Variants in CYTH3 observed in about 807,000 individuals in gnomAD.
CYTH3 encodes the protein cytohesin 3.
In CYTH3, 23 loss-of-function variants were observed where a neutral mutation model predicts 55.1. The observed-to-expected ratio is 0.42, with a 90% confidence interval of 0.30 to 0.59. The LOEUF (loss-of-function observed/expected upper bound fraction) is 0.59. Among genes scored for constraint, CYTH3 ranks in the 20% least tolerant of loss-of-function variants. CYTH3 has a pLI of 0.20. For missense variants in CYTH3, 413 were observed against 524.8 expected (o/e 0.79, Z 2.08); for synonymous variants, 249 against 194.9 (o/e 1.28, Z -2.31).
intron 1 of CYTH3, among the ~76,000 whole-genome samples, chr7:6,201,561 A>T (rs1784059151): frequency 6.6e-6 from 1 of 152,184 alleles, no homozygotes. Context: ...CAATCAAGAG[A>T]AGGGATCCAG....
At chr7:6,236,891 G>C (rs1355476503) in intron 1 of CYTH3, among the ~76,000 whole-genome samples, 8 of 152,176 alleles carry the variant, frequency 5.3e-5, no homozygotes, top group African/African-American at 1.7e-4. Flanking sequence ...CAGTGTACCT[G>C]TTACATATGA....
chr7:6,237,098 G>A lies in CYTH3; in HGVS notation c.34+35376C>T, dbSNP rs532861351. ...GCAGCTCAAAGAATTCCTGATCAAA[G>A]GAGACAGCACTTAGAACCAGAGCAG... On this transcript the variant is annotated intron_variant, in intron 1 of 12. Coordinates refer to ENST00000350796, the MANE Select transcript of CYTH3 (RefSeq NM_004227.4). 1.7e-3 allele frequency among the ~76,000 whole-genome samples: 261 copies of A among 152,278 alleles called. 2 individuals are homozygous for A. The highest frequency in any genetic ancestry group is 1.6e-3 in the Non-Finnish European group (112 of 68,030).
chr7:6,254,271 A>T (rs1333854858), intron 1 of CYTH3, among the ~76,000 whole-genome samples: 5 of 149,482 alleles, frequency 3.3e-5, no homozygotes, highest in East Asian at 1.9e-4. Context: ...AGATAGGTTT[A>T]AAAAAAAAAG....
chr7:6,254,251 A>G (rs1342212468), intron 1 of CYTH3, among the ~76,000 whole-genome samples: 1 of 152,162 alleles, frequency 6.6e-6, no homozygotes, highest in Admixed American at 6.5e-5. Flanking sequence ...GTAAATCTTA[A>G]TTAGAGCCTA....
At position 6,227,548 on chromosome 7, in the gene CYTH3, C is replaced by A. The variant is rs555058466; in HGVS notation, c.35-37017G>T. Among the ~76,000 whole-genome samples, 7 of 152,262 alleles carry A rather than the reference C, an allele frequency of 4.6e-5. No homozygotes were observed. The South Asian group carries it at 1.4e-3, about 32-fold the overall frequency. The stretch of plus-strand genomic sequence containing the variant: ...CTACAACAAGCATCAGACTTGGAAG[C>A]GTTCCCACTACAGACAGAATCAAAA... On this transcript the variant is annotated intron_variant, in intron 1 of 12. Transcript: ENST00000350796.
chr7:6,193,159 G>A (rs878857443), intron 1 of CYTH3, among the ~76,000 whole-genome samples: 21 of 150,100 alleles, frequency 1.4e-4, no homozygotes, highest in Non-Finnish European at 2.5e-4. Context: ...GTGACAGAGC[G>A]AGAGTCCGTC....
At chr7:6,252,754 T>C (rs1354710962) in intron 1 of CYTH3, among the ~76,000 whole-genome samples, 1 of 152,364 alleles carries the variant, frequency 6.6e-6, no homozygotes, top group South Asian at 2.1e-4. Context: ...TTAGTCTTCA[T>C]CCAAGGATCT....
chr7:6,180,709 A>G (rs1037051491), intron 4 of CYTH3, among the ~76,000 whole-genome samples: 4 of 152,242 alleles, frequency 2.6e-5, no homozygotes, highest in Non-Finnish European at 4.4e-5. Flanking sequence ...GTGTTCTAAC[A>G]TTATTAGAAA....
chr7:6,265,242 GAAA>G (rs34132679), intron 1 of CYTH3, among the ~76,000 whole-genome samples: 1 of 143,274 alleles, frequency 7.0e-6, no homozygotes, highest in Non-Finnish European at 1.5e-5. Flanking sequence ...AAAAGGTTAT[GAAA>G]AAAAAAAAGA....
chr7:6,219,115 C>T (rs753286677), intron 1 of CYTH3, among the ~76,000 whole-genome samples: 1 of 151,648 alleles, frequency 6.6e-6, no homozygotes, highest in African/African-American at 2.4e-5. Context: ...ATAAGCACAC[C>T]GTTGGTAGAA....
intron 1 of CYTH3, among the ~76,000 whole-genome samples, chr7:6,250,207 C>CAG (rs1422993266): frequency 6.6e-6 from 1 of 152,168 alleles, no homozygotes; most frequent in Admixed American, 6.5e-5. Context: ...TATTGGTCTT[C>CAG]AGAGAGAGTA....
At chr7:6,199,960 A>G (rs961896837) in intron 1 of CYTH3, among the ~76,000 whole-genome samples, 3 of 152,336 alleles carry the variant, frequency 2.0e-5, no homozygotes, top group Middle Eastern at 3.4e-3. Flanking sequence ...TCCTAAACCA[A>G]CCACTAACAA....
At chr7:6,216,959 C>T (rs562997083) in intron 1 of CYTH3, among the ~76,000 whole-genome samples, 1 of 151,352 alleles carries the variant, frequency 6.6e-6, no homozygotes, top group Admixed American at 6.6e-5. Context: ...ATCACCCAGG[C>T]TGGAGTGCAG....
intron 1 of CYTH3, among the ~76,000 whole-genome samples, chr7:6,236,451 C>A (rs944990135): frequency 6.6e-5 from 10 of 151,776 alleles, no homozygotes; most frequent in African/African-American, 1.9e-4. Context: ...CTCAAGGAAT[C>A]CTCCCAACTT....
At chr7:6,268,925 C>A (rs138726585) in intron 1 of CYTH3, among the ~76,000 whole-genome samples, 127 of 152,306 alleles carry the variant, frequency 8.3e-4, no homozygotes, top group South Asian at 2.9e-3. Flanking sequence ...GCTGTTACCA[C>A]TTCTCAAATA....
At chr7:6,189,131 C>A (rs777305580) in intron 2 of CYTH3, among the ~76,000 whole-genome samples, 18 of 152,146 alleles carry the variant, frequency 1.2e-4, no homozygotes, top group Admixed American at 3.3e-4. Context: ...AAGCCCCAAA[C>A]GGAAGGAGCC....
chr7:6,194,270 G>C (rs922162750), intron 1 of CYTH3, among the ~76,000 whole-genome samples: 4 of 152,134 alleles, frequency 2.6e-5, no homozygotes, highest in Admixed American at 6.6e-5. Context: ...TCTTTAATAC[G>C]TGTACAACTG....
intron 1 of CYTH3, among the ~76,000 whole-genome samples, chr7:6,214,000 C>T (rs1784376735): frequency 6.6e-6 from 1 of 152,152 alleles, no homozygotes. Flanking sequence ...ACTCCCCTGA[C>T]CTTGTAAGAG....
At chr7:6,268,243 C>G (rs548839239) in intron 1 of CYTH3, among the ~76,000 whole-genome samples, 92 of 152,300 alleles carry the variant, frequency 6.0e-4, no homozygotes, top group African/African-American at 2.2e-3. Flanking sequence ...ATCTCACTCA[C>G]CGCAACCTGC....
Sources: allele counts gnomAD v4.1 joint callset (sites outside exome capture counted in the v4.1 genomes callset), GRCh38; gene constraint gnomAD v4.1.1; transcripts MANE v1.5; gene names NCBI Gene and HGNC (gene_info 2026-07-23, HGNC 2026-07-21).